The following ANGPT1 variants were observed in gnomAD, a reference collection of about 807,000 sequenced individuals.
The protein encoded by ANGPT1 is angiopoietin-1.
Under a neutral mutation model 62.2 loss-of-function variants are expected in ANGPT1, and 17 were observed. The observed-to-expected ratio is 0.27, with a 90% CI of 0.19 to 0.41. The LOEUF is 0.41. Ranked by LOEUF, ANGPT1 falls within the 10% of genes least tolerant of loss-of-function variation. ANGPT1 has a pLI of 1.00. For missense variants in ANGPT1, 478 were observed against 594.9 expected (o/e 0.80, Z 2.04); for synonymous variants, 199 against 198.9 (o/e 1.00, Z 0.00).
chr8:107,314,680 C>T (rs1814972124), intron 4 of ANGPT1, among the ~76,000 whole-genome samples: 1 of 152,152 alleles, frequency 6.6e-6, no homozygotes, highest in Admixed American at 6.5e-5. Flanking sequence ...GCATTTCCCT[C>T]ATTAAATGGA....
At chr8:107,300,188 T>C (rs1814553980) in intron 5 of ANGPT1, among the ~76,000 whole-genome samples, 1 of 148,798 alleles carries the variant, frequency 6.7e-6, no homozygotes. Flanking sequence ...TAGAGATATA[T>C]ATGCTTAGAA....
intron 1 of ANGPT1, among the ~76,000 whole-genome samples, chr8:107,489,629 A>G (rs997349310): frequency 1.3e-5 from 2 of 152,252 alleles, no homozygotes; most frequent in African/African-American, 4.8e-5. Context: ...ATTAGATAAC[A>G]GTATTCAGGT....
At chr8:107,427,186 A>G (rs1028266766) in intron 1 of ANGPT1, among the ~76,000 whole-genome samples, 1 of 152,152 alleles carries the variant, frequency 6.6e-6, no homozygotes, top group Non-Finnish European at 1.5e-5. Context: ...ACCAGCTTGC[A>G]TTAGTTAATA....
At chr8:107,392,782 T>A (rs1178321763) in intron 1 of ANGPT1, among the ~76,000 whole-genome samples, 1 of 152,224 alleles carries the variant, frequency 6.6e-6, no homozygotes, top group Non-Finnish European at 1.5e-5. Flanking sequence ...TCATATGTGG[T>A]ATAATGTAAT....
intron 1 of ANGPT1, among the ~76,000 whole-genome samples, chr8:107,467,724 G>A (rs1447966365): frequency 6.6e-6 from 1 of 151,990 alleles, no homozygotes; most frequent in Non-Finnish European, 1.5e-5. Context: ...TGGCAATTAA[G>A]AACAGATAAA....
At chr8:107,281,305 A>G (rs1261681023) in intron 7 of ANGPT1, among the ~76,000 whole-genome samples, 3 of 152,184 alleles carry the variant, frequency 2.0e-5, no homozygotes, top group Non-Finnish European at 4.4e-5. Context: ...TATGTTTTAG[A>G]AAATAAAACC....
intron 1 of ANGPT1, among the ~76,000 whole-genome samples, chr8:107,404,869 C>T (rs142439665): frequency 1.7e-3 from 256 of 152,110 alleles, no homozygotes; most frequent in African/African-American, 5.5e-3. Context: ...CTTCAGCAAA[C>T]GTGGAGGGAA....
At chr8:107,352,885 T>G (rs1815962624) in intron 1 of ANGPT1, among the ~76,000 whole-genome samples, 1 of 152,088 alleles carries the variant, frequency 6.6e-6, no homozygotes, top group African/African-American at 2.4e-5. Flanking sequence ...CCTTAAATGT[T>G]GATGGTTTTA....
At chr8:107,323,865 CG>C (rs1239996034) in intron 3 of ANGPT1, among the ~76,000 whole-genome samples, 1 of 152,018 alleles carries the variant, frequency 6.6e-6, no homozygotes, top group East Asian at 1.9e-4. Context: ...CTGCAAGTTC[CG>C]CCTCCTGGGT....
rs1815218358 is a variant in ANGPT1, at chr8:107,323,969, TG to T, written c.576-1842del. 2.0e-5 allele frequency among the ~76,000 whole-genome samples: 3 copies of T among 151,682 alleles called. No homozygotes were observed. In the South Asian group the frequency reaches 6.3e-4, roughly 32 times the overall value. The stretch of plus-strand genomic sequence containing the variant: ...TAATTTTTTGTATTTTTAGTAGAGA[TG>T]GGGTTTTGCCGTGTTGGCCAGGATG... On this transcript the variant is annotated intron_variant, in intron 3 of 8. Transcript: ENST00000517746.
chr8:107,481,532 C>CA (rs71562147), intron 1 of ANGPT1, among the ~76,000 whole-genome samples: 21,579 of 63,368 alleles, frequency 0.34, 4,312 homozygotes, highest in Non-Finnish European at 0.44. Context: ...GACTCTGTCT[C>CA]AAAAAAAAAA....
intron 1 of ANGPT1, among the ~76,000 whole-genome samples, chr8:107,392,856 T>A (rs1168448968): frequency 6.6e-6 from 1 of 152,220 alleles, no homozygotes; most frequent in African/African-American, 2.4e-5. Context: ...AATCTTTTTA[T>A]TACTGAATTG....
At chr8:107,290,362 T>C (rs1814244279) in intron 6 of ANGPT1, among the ~76,000 whole-genome samples, 1 of 152,072 alleles carries the variant, frequency 6.6e-6, no homozygotes. Flanking sequence ...TAATAGTAGA[T>C]TGGTAAAGAC....
At chr8:107,307,376 A>G (rs971137729) in intron 4 of ANGPT1, among the ~76,000 whole-genome samples, 1 of 152,112 alleles carries the variant, frequency 6.6e-6, no homozygotes, top group Non-Finnish European at 1.5e-5. Context: ...GCAAACACTG[A>G]GTCATTTGTA....
chr8:107,313,889 T>C (rs1814945468), intron 4 of ANGPT1, among the ~76,000 whole-genome samples: 1 of 152,208 alleles, frequency 6.6e-6, no homozygotes, highest in Non-Finnish European at 1.5e-5. Context: ...CTTCTTACAG[T>C]ATAAAAAATT....
Position 107,284,781 on chromosome 8 carries a change from C to G in ANGPT1, c.1106G>C (p.Arg369Thr). 1 of 1,611,654 alleles carries G rather than the reference C, an allele frequency of 6.2e-7. No individual in the cohort carries two copies. Among genetic ancestry groups the G allele is most frequent in the Non-Finnish European group, 8.5e-7 (1 of 1,178,492 alleles). The change falls in exon 7 of 9, where the codon AGG (arginine) becomes ACG (threonine). Residue 369 changes from arginine (R) to threonine (T), a missense_variant. Transcript: ENST00000517746. The part of the protein sequence containing the change: ...NEFIFAITSQ[R>T]QYMLRIELMD... ...TAACTCAATTCTTAGCATGTACTGC[C>G]TCTGACTGGTAATGGCAAAAATAAA...
At chr8:107,467,834 T>C (rs79321753) in intron 1 of ANGPT1, among the ~76,000 whole-genome samples, 305 of 152,254 alleles carry the variant, frequency 2.0e-3, no homozygotes, top group African/African-American at 6.9e-3. Flanking sequence ...TAGCAAGCCA[T>C]TGATAAATCA....
At chr8:107,297,770 C>T (rs1586198834) in intron 5 of ANGPT1, among the ~76,000 whole-genome samples, 5 of 146,194 alleles carry the variant, frequency 3.4e-5, no homozygotes, top group Admixed American at 1.4e-4. Flanking sequence ...TATATATATA[C>T]ACACACACAC....
chr8:107,446,020 C>T (rs1344516764), intron 1 of ANGPT1, among the ~76,000 whole-genome samples: 1 of 152,126 alleles, frequency 6.6e-6, no homozygotes. Flanking sequence ...CGGGGTCAAG[C>T]GATTCTTCTG....
Sources: gnomAD v4.1 joint callset for allele counts (sites outside exome capture counted in the v4.1 genomes callset) on GRCh38, gnomAD v4.1.1 for gene constraint, MANE v1.5 for transcripts, NCBI Gene and HGNC (gene_info 2026-07-23, HGNC 2026-07-21) for gene names.